CFAP20DC: variants seen among roughly 807,000 people sequenced by gnomAD.
CFAP20DC encodes protein CFAP20DC.
Under a neutral mutation model 101.7 loss-of-function variants are expected in CFAP20DC, and 84 were observed. That is an observed-to-expected ratio of 0.83 (90% CI 0.69 to 0.99). The LOEUF is 0.99. CFAP20DC is among the 50% of genes least tolerant of loss of function. The pLI is 0.00. For synonymous variants in CFAP20DC, 359 were observed against 351.2 expected, an observed-to-expected ratio of 1.02 and a Z score of -0.25; for missense variants, 1,007 against 970.3, an observed-to-expected ratio of 1.04 and a Z score of -0.50.
intron 4 of CFAP20DC, among the ~76,000 whole-genome samples, chr3:58,940,123 T>C (rs1378960087): frequency 6.6e-6 from 1 of 152,200 alleles, no homozygotes; most frequent in Non-Finnish European, 1.5e-5. Context: ...GGAGGAATGA[T>C]TGAGTATACT....
intron 13 of CFAP20DC, among the ~76,000 whole-genome samples, chr3:58,845,460 C>T (rs896219084): frequency 1.3e-5 from 2 of 150,588 alleles, no homozygotes; most frequent in Non-Finnish European, 3.0e-5. Flanking sequence ...AAGACTAAAC[C>T]AGGAAGAAGT....
At chr3:58,939,097 GA>G (rs1278854364) in intron 4 of CFAP20DC, among the ~76,000 whole-genome samples, 1 of 152,148 alleles carries the variant, frequency 6.6e-6, no homozygotes, top group East Asian at 1.9e-4. Flanking sequence ...AGTGCAGGAA[GA>G]AAACATTAGA....
chr3:58,837,938 T>C (rs926282977), intron 13 of CFAP20DC, among the ~76,000 whole-genome samples: 2 of 152,172 alleles, frequency 1.3e-5, no homozygotes, highest in African/African-American at 2.4e-5. Flanking sequence ...TAGCTGATGG[T>C]AAATTAGTGT....
At chr3:58,723,632 C>T (rs183424359) in intron 3 of CFAP20DC, among the ~76,000 whole-genome samples, 1 of 152,270 alleles carries the variant, frequency 6.6e-6, no homozygotes, top group East Asian at 1.9e-4. Flanking sequence ...TGGTTAGGAG[C>T]AGATTGTGGT....
Position 58,874,922 on chromosome 3 carries a change from G to A in CFAP20DC, c.716-4613C>T, listed in dbSNP as rs144870324. 5.5e-4 allele frequency among the ~76,000 whole-genome samples: 84 copies of A among 152,270 alleles called. 1 individual carries two copies. Among genetic ancestry groups the A allele is most frequent in the African/African-American group, 1.9e-3 (78 of 41,550 alleles). On this transcript the variant is annotated intron_variant, in intron 7 of 16. Coordinates refer to ENST00000482387, the MANE Select transcript of CFAP20DC (RefSeq NM_001394063.1). The surrounding 1 kb of genome is among the most constrained non-coding windows in gnomAD (Gnocchi z 5.1). The stretch of plus-strand genomic sequence containing the variant: ...TAGTTCCTTGCTGAGCAAAATGAAT[G>A]ATTCATTAAATGAAATGAGTCAGAA...
At chr3:59,000,612 G>C (rs1033832362) in intron 4 of CFAP20DC, among the ~76,000 whole-genome samples, 1 of 152,158 alleles carries the variant, frequency 6.6e-6, no homozygotes, top group Non-Finnish European at 1.5e-5. Context: ...GGCCTGTCAA[G>C]TCATGAGACA....
intron 6 of CFAP20DC, among the ~76,000 whole-genome samples, chr3:58,886,327 T>G (rs2081623597): frequency 6.6e-6 from 1 of 152,086 alleles, no homozygotes; most frequent in Non-Finnish European, 1.5e-5. Context: ...ATAAATTGAA[T>G]TTATGAAGAT....
intron 6 of CFAP20DC, among the ~76,000 whole-genome samples, chr3:58,896,357 G>A (rs373575837): frequency 1.7e-4 from 26 of 151,810 alleles, no homozygotes; most frequent in African/African-American, 6.0e-4. Flanking sequence ...TTGATTTTTT[G>A]AAAGGTATTT....
At chr3:58,873,243 T>G (rs529064191) in intron 7 of CFAP20DC, among the ~76,000 whole-genome samples, 1 of 148,672 alleles carries the variant, frequency 6.7e-6, no homozygotes, top group Admixed American at 6.7e-5. Flanking sequence ...GAAGTCTGGA[T>G]AGCTATTCTG....
intron 7 of CFAP20DC, among the ~76,000 whole-genome samples, chr3:58,870,891 T>G: frequency 3.9e-5 from 2 of 51,354 alleles, no homozygotes; most frequent in Non-Finnish European, 6.4e-5. Context: ...CGAGACTCCG[T>G]CTCAAAAAAA....
At chr3:58,995,828 G>C (rs2093103779) in intron 4 of CFAP20DC, among the ~76,000 whole-genome samples, 2 of 152,150 alleles carry the variant, frequency 1.3e-5, no homozygotes, top group African/African-American at 2.4e-5. Context: ...ACTTGGACTG[G>C]AGCTTATACC....
intron 5 of CFAP20DC, among the ~76,000 whole-genome samples, chr3:58,932,117 G>A (rs1264463719): frequency 6.6e-6 from 1 of 152,210 alleles, no homozygotes; most frequent in Non-Finnish European, 1.5e-5. Context: ...TGAGAACTAC[G>A]TGAAGAATGC....
At chr3:58,959,468 G>A (rs1055349960) in intron 4 of CFAP20DC, among the ~76,000 whole-genome samples, 1 of 152,130 alleles carries the variant, frequency 6.6e-6, no homozygotes, top group Non-Finnish European at 1.5e-5. Flanking sequence ...TCTAAAATAA[G>A]TTTTATATAT....
chr3:58,887,366 G>GT (rs1244747439), intron 6 of CFAP20DC: 1 of 152,166 alleles, frequency 6.6e-6, no homozygotes, highest in African/African-American at 2.4e-5. Context: ...ATAAATGAAG[G>GT]TTTTTTAAAT....
chr3:58,784,230 C>T (rs1425595728), intron 15 of CFAP20DC, among the ~76,000 whole-genome samples: 1 of 152,018 alleles, frequency 6.6e-6, no homozygotes, highest in Non-Finnish European at 1.5e-5. Flanking sequence ...CCTCCAGCTG[C>T]ACCCATGTTG....
chr3:58,990,754 G>GGTGTGTGTGTGTGT (rs71091398), intron 4 of CFAP20DC, among the ~76,000 whole-genome samples: 1,597 of 143,996 alleles, frequency 0.011, 35 homozygotes, highest in African/African-American at 0.038. Flanking sequence ...ATGCTCAGCT[G>GGTGTGTGTGTGTGT]GTGTGTGTGT....
In CFAP20DC at chr3:58,861,173, C is replaced by T. The variant is rs1357763377; in HGVS notation, c.1593+2385G>A. Reference sequence around the variant, plus strand: ...TCCTAATAATATGATTTGATTTTGCCTAGTTTATATGTTACTAAATACATC... The same window carrying T: ...TCCTAATAATATGATTTGATTTTGCTTAGTTTATATGTTACTAAATACATC... On this transcript the variant is annotated intron_variant, in intron 12 of 16. Transcript: ENST00000482387. The surrounding 1 kb of genome is among the most constrained non-coding windows in gnomAD (Gnocchi z 4.0). The T allele has an allele frequency of 5.3e-6, 1 of 186,916 alleles. No individual in the cohort carries two copies. The highest frequency in any genetic ancestry group is 2.4e-5 in the African/African-American group (1 of 42,028). 11.6% of individuals were successfully genotyped at this position (186,916 alleles called of 1,614,324 possible).
In CFAP20DC at chr3:59,006,994, T is replaced by C. The variant is rs150070457; in HGVS notation, c.278+32563A>G. 2.3e-4 allele frequency among the ~76,000 whole-genome samples: 35 copies of C among 152,306 alleles called. No individual in the cohort carries two copies. Among genetic ancestry groups the C allele is most frequent in the African/African-American group, 7.7e-4 (32 of 41,568 alleles). ...GGCTAACTGGAGCTAAACTCAGTGCTGTTAGTGGGGCACTGCGAGAGCGAG... is the reference window on the plus strand; with the variant it reads ...GGCTAACTGGAGCTAAACTCAGTGCCGTTAGTGGGGCACTGCGAGAGCGAG... On this transcript the variant is annotated intron_variant, in intron 4 of 16. Transcript: ENST00000482387. This position sits in a 1 kb window ranked among gnomAD's most constrained non-coding sequence, Gnocchi z 4.3.
chr3:58,994,109 T>C (rs1463891677), intron 4 of CFAP20DC, among the ~76,000 whole-genome samples: 3 of 152,142 alleles, frequency 2.0e-5, no homozygotes, highest in East Asian at 1.9e-4. Context: ...TTCTTGCCTT[T>C]CCATTTAAAT....
Sources: gnomAD v4.1 joint callset for allele counts (sites outside exome capture counted in the v4.1 genomes callset) on GRCh38, gnomAD v4.1.1 for gene constraint, Gnocchi (gnomAD v3.1) non-coding constraint, MANE v1.5 for transcripts, NCBI Gene and HGNC (gene_info 2026-07-23, HGNC 2026-07-21) for gene names.